The following GYG2 variants were observed in gnomAD, a reference collection of about 807,000 sequenced individuals.
GYG2 encodes the protein glycogenin-2.
Under a neutral mutation model 29.4 loss-of-function variants are expected in GYG2, and 29 were observed. The ratio of observed to expected loss-of-function variants is 0.99; its 90% CI spans 0.74 to 1.35. The LOEUF (loss-of-function observed/expected upper bound fraction) is 1.35, where lower values mean the gene tolerates loss of function less well. GYG2 is among the 40% of genes most tolerant of loss of function. The pLI is 0.00. For missense variants in GYG2, 370 were observed against 385.7 expected, an observed-to-expected ratio of 0.96 and a Z score of 0.34; for synonymous variants, 167 against 172.3, an observed-to-expected ratio of 0.97 and a Z score of 0.24.
chrX:2,839,009 G>A (rs964038187), intron 2 of GYG2, among the ~76,000 whole-genome samples: 2 of 111,594 alleles, frequency 1.8e-5, no homozygotes, highest in Non-Finnish European at 3.8e-5. Context: ...CTCTTTTGTG[G>A]TGAAGGTGTT....
intron 10 of GYG2, 149 bp from the exon 11 acceptor site, chrX:2,880,903 A>G (rs751533413): frequency 9.9e-6 from 5 of 502,781 alleles, no homozygotes; most frequent in South Asian, 3.0e-5. Flanking sequence ...ACCCTGTCTC[A>G]TTAAAAACAA....
At chrX:2,853,035 G>T (rs780248295) in intron 3 of GYG2, 2 of 111,032 alleles carry the variant, frequency 1.8e-5, no homozygotes, top group Non-Finnish European at 3.8e-5. Flanking sequence ...TGTTTTTTGA[G>T]ACAGAGTCCC....
chrX:2,854,474 T>G (rs1253414716), intron 4 of GYG2, among the ~76,000 whole-genome samples: 1 of 112,292 alleles, frequency 8.9e-6, no homozygotes, highest in East Asian at 2.8e-4. Context: ...GCCATGTGCA[T>G]TTCTATTTCT....
At chrX:2,841,829 T>C (rs1327103667) in intron 2 of GYG2, among the ~76,000 whole-genome samples, 1 of 112,272 alleles carries the variant, frequency 8.9e-6, no homozygotes, top group East Asian at 2.8e-4. Context: ...TGCATGGGAC[T>C]TCTCGGCATT....
chrX:2,840,338 T>C (rs1393226536), intron 2 of GYG2, among the ~76,000 whole-genome samples: 1 of 111,598 alleles, frequency 9.0e-6, no homozygotes, highest in Non-Finnish European at 1.9e-5. Flanking sequence ...TGGCCAGCTC[T>C]GGGCTTTGCA....
At position 2,881,419 on chromosome X, in the gene GYG2, C is replaced by T; in HGVS notation, c.*206C>T. ...CCCCTCGCCCCAACTTCTCCACCAA[C>T]GCCTTCTGGGCTTTCTTCAGAGGTC... On this transcript the variant is annotated 3_prime_UTR_variant, in exon 11 of 11. Transcript: ENST00000398806. The T allele has an allele frequency of 1.4e-5, 5 of 369,646 alleles. No homozygotes were observed. The highest frequency in any genetic ancestry group is 5.9e-5 in the South Asian group (1 of 16,816). The allele number at this position is 369,646 out of a possible 1,213,427, so 30.5% of individuals were successfully genotyped here.
At chrX:2,860,397 C>T (rs957352194) in intron 7 of GYG2, among the ~76,000 whole-genome samples, 2 of 110,555 alleles carry the variant, frequency 1.8e-5, no homozygotes, top group African/African-American at 6.6e-5. Context: ...CAACACTTTC[C>T]ACTTGAAACC....
At chrX:2,856,920 T>A (rs932436801) in intron 6 of GYG2, among the ~76,000 whole-genome samples, 3 of 109,921 alleles carry the variant, frequency 2.7e-5, no homozygotes, top group African/African-American at 9.9e-5. Context: ...TAGATATATA[T>A]CTGTCTATAT....
intron 8 of GYG2, among the ~76,000 whole-genome samples, chrX:2,873,807 G>A (rs1290032294): frequency 3.6e-5 from 4 of 111,132 alleles, no homozygotes; most frequent in Non-Finnish European, 5.7e-5. Context: ...GTGCACTTTC[G>A]GAGGCTGGGC....
chrX:2,834,012 A>G (rs141169031), intron 2 of GYG2, among the ~76,000 whole-genome samples: 1,226 of 112,252 alleles, frequency 0.011, 21 homozygotes, highest in African/African-American at 0.034. Flanking sequence ...AAAAGGCTGC[A>G]TATCACCTTT....
At chrX:2,832,542 C>A (rs1204289816) in intron 2 of GYG2, among the ~76,000 whole-genome samples, 2 of 109,742 alleles carry the variant, frequency 1.8e-5, no homozygotes, top group Admixed American at 1.9e-4. Flanking sequence ...CTAATCGCCT[C>A]TTTTTTTTTG....
At chrX:2,847,703 A>AAAAT (rs34250808) in intron 3 of GYG2, among the ~76,000 whole-genome samples, 35,216 of 80,487 alleles carry the variant, frequency 0.44, 6,897 homozygotes, top group Non-Finnish European at 0.59. Context: ...GGACTCTGTC[A>AAAAT]AAATAAATAA....
At chrX:2,835,796 A>G (rs2087359898) in intron 2 of GYG2, among the ~76,000 whole-genome samples, 1 of 111,206 alleles carries the variant, frequency 9.0e-6, no homozygotes, top group Non-Finnish European at 1.9e-5. Flanking sequence ...GTACTTTCTC[A>G]CAGCAGCCCC....
intron 8 of GYG2, among the ~76,000 whole-genome samples, chrX:2,873,433 T>C (rs1459911755): frequency 8.9e-6 from 1 of 111,972 alleles, no homozygotes; most frequent in African/African-American, 3.2e-5. Flanking sequence ...AATTTGATGC[T>C]TTGCTGTATG....
At chrX:2,878,255 A>G in intron 10 of GYG2, 1 of 669,443 alleles carries the variant, frequency 1.5e-6, no homozygotes, top group Non-Finnish European at 1.8e-6. Context: ...GGGATCCTGG[A>G]TGAGTTCATT....
intron 1 of GYG2, among the ~76,000 whole-genome samples, chrX:2,829,553 G>C (rs1449142098): frequency 2.0e-5 from 2 of 98,221 alleles, no homozygotes. Context: ...AGGCCGGGGG[G>C]CTGCACTGGA....
rs199612015 is a variant in GYG2 at position 2,877,232 on chromosome X, C to T, written c.1176C>T (p.Ser392=). 337 of 1,206,851 alleles carry T rather than the reference C, an allele frequency of 2.8e-4. 4 individuals carry two copies. In the South Asian group the frequency reaches 5.3e-3, roughly 19 times the overall value. ...QPANKVESVS[S]EETFEPSQEL... The stretch of plus-strand genomic sequence containing the variant: ...CAAATAAAGTCGAAAGTGTCTCATC[C>T]GAGGAAACCTTCGAACCAAGCCAGG... Residue 392 remains serine (S), a synonymous_variant, in exon 10 of 11, where the codon TCC becomes TCT. Coordinates refer to ENST00000398806, the MANE Select transcript of GYG2 (RefSeq NM_001079855.2).
intron 8 of GYG2, among the ~76,000 whole-genome samples, chrX:2,862,982 C>A (rs753799202): frequency 1.1e-4 from 12 of 110,117 alleles, no homozygotes; most frequent in African/African-American, 3.6e-4. Context: ...AATGCTTGAG[C>A]CTTGGAGGTC....
intron 8 of GYG2, 46 bp downstream of exon 8, chrX:2,861,768 C>G (rs763522475): frequency 8.0e-6 from 8 of 994,793 alleles, no homozygotes. Context: ...GACGCTGGCT[C>G]GCAGTGAGAG....
Sources: allele counts gnomAD v4.1 joint callset (sites outside exome capture counted in the v4.1 genomes callset), GRCh38; gene constraint gnomAD v4.1.1; transcripts MANE v1.5; gene names NCBI Gene and HGNC (gene_info 2026-07-23, HGNC 2026-07-21).